SOX5: variants seen among roughly 807,000 people sequenced by gnomAD.
SOX5 encodes the protein SRY-box transcription factor 5.
Under a neutral mutation model 92.0 loss-of-function variants are expected in SOX5, and 9 were observed. The ratio of observed to expected loss-of-function variants is 0.10; its 90% CI spans 0.06 to 0.17. The LOEUF is 0.17. SOX5 is among the 10% of genes least tolerant of loss of function. The probability of loss-of-function intolerance (pLI) is 1.00; values close to 1 mark genes in which losing one functional copy is unlikely to be tolerated. For synonymous variants in SOX5, 344 were observed against 336.3 expected (o/e 1.02, Z -0.25); for missense variants, 642 against 944.5 (o/e 0.68, Z 4.20).
chr12:24,035,216 C>T (rs532529961), intron 4 of SOX5, among the ~76,000 whole-genome samples: 14 of 152,170 alleles, frequency 9.2e-5, no homozygotes, highest in Middle Eastern at 3.4e-3. Context: ...TTATGCCTTA[C>T]GATTTTAATG....
At chr12:23,932,080 C>T (rs977987767) in intron 1 of SOX5, among the ~76,000 whole-genome samples, 1 of 151,202 alleles carries the variant, frequency 6.6e-6, no homozygotes, top group African/African-American at 2.4e-5. Flanking sequence ...TTTCCATGAA[C>T]CTGGTACACC....
chr12:24,122,331 G>A (rs888158541), intron 4 of SOX5, among the ~76,000 whole-genome samples: 9 of 152,302 alleles, frequency 5.9e-5, no homozygotes, highest in Admixed American at 2.6e-4. Flanking sequence ...AAGTGGACCA[G>A]CTGAGAGCAA....
At chr12:24,546,302 G>A (rs1952618279) in intron 1 of SOX5, among the ~76,000 whole-genome samples, 1 of 152,118 alleles carries the variant, frequency 6.6e-6, no homozygotes, top group African/African-American at 2.4e-5. Flanking sequence ...TCAGGAGCTA[G>A]TTTTCCATTT....
At chr12:24,340,851 TTTG>T (rs1016001387) in intron 2 of SOX5, among the ~76,000 whole-genome samples, 5 of 152,300 alleles carry the variant, frequency 3.3e-5, no homozygotes, top group African/African-American at 1.2e-4. Context: ...TGAAGGATTT[TTTG>T]TTGTTGTTGT....
chr12:23,624,949 A>G (rs2077583178), intron 8 of SOX5, among the ~76,000 whole-genome samples: 2 of 152,228 alleles, frequency 1.3e-5, no homozygotes, highest in Admixed American at 6.5e-5. Context: ...CTACCATTTT[A>G]GATTATAAAG....
intron 1 of SOX5, among the ~76,000 whole-genome samples, chr12:24,558,036 C>A (rs951446371): frequency 1.2e-4 from 18 of 152,168 alleles, no homozygotes; most frequent in African/African-American, 3.9e-4. Flanking sequence ...AGTCCTCATG[C>A]ATGTAAATAT....
chr12:23,588,341 T>C (rs957252856), intron 9 of SOX5, among the ~76,000 whole-genome samples: 1 of 152,022 alleles, frequency 6.6e-6, no homozygotes, highest in African/African-American at 2.4e-5. Context: ...AGAATAATGA[T>C]TCTTAAGTGT....
chr12:24,078,039 A>C (rs1272317273), intron 4 of SOX5, among the ~76,000 whole-genome samples: 1 of 151,444 alleles, frequency 6.6e-6, no homozygotes, highest in African/African-American at 2.4e-5. Flanking sequence ...AAAAAGCATA[A>C]CTTTTACCTT....
chr12:24,030,367 C>T lies in SOX5; in HGVS notation c.-1-134343G>A, dbSNP rs550154607. Among the ~76,000 whole-genome samples, 9 of 151,890 alleles carry T rather than the reference C, an allele frequency of 5.9e-5. No homozygotes were observed. The South Asian group carries it at 1.5e-3, about 24-fold the overall frequency. Reference sequence around the variant, plus strand: ...ACAGACACGTAGACCAATGGGGCATCATAGATCCCAGAAATGAATCCAGGC... The same window carrying T: ...ACAGACACGTAGACCAATGGGGCATTATAGATCCCAGAAATGAATCCAGGC... On this transcript the variant is annotated intron_variant, in intron 4 of 4. Transcript: ENST00000446891.
chr12:24,441,745 T>G (rs1460254613), intron 1 of SOX5, among the ~76,000 whole-genome samples: 3 of 152,226 alleles, frequency 2.0e-5, no homozygotes, highest in Non-Finnish European at 4.4e-5. Flanking sequence ...AAGCACTGTA[T>G]CAGCATTTTA....
intron 4 of SOX5, among the ~76,000 whole-genome samples, chr12:24,181,271 G>A (rs1955471619): frequency 6.6e-6 from 1 of 152,160 alleles, no homozygotes; most frequent in Non-Finnish European, 1.5e-5. Flanking sequence ...ATTAGATAAT[G>A]CCTACTTAAC....
chr12:23,956,965 GC>G (rs145940050), intron 4 of SOX5, among the ~76,000 whole-genome samples: 13,658 of 152,116 alleles, frequency 0.09, 1,206 homozygotes, highest in East Asian at 0.28. Context: ...ACCATGCCCG[GC>G]CATTGCCTAA....
intron 1 of SOX5, among the ~76,000 whole-genome samples, chr12:24,391,422 A>C (rs1194080118): frequency 1.3e-5 from 2 of 152,188 alleles, no homozygotes; most frequent in African/African-American, 4.8e-5. Context: ...AAGAAAGGAG[A>C]TCAAACTTTT....
At chr12:24,365,798 A>G (rs1956111945) in intron 2 of SOX5, among the ~76,000 whole-genome samples, 1 of 151,810 alleles carries the variant, frequency 6.6e-6, no homozygotes, top group Non-Finnish European at 1.5e-5. Context: ...ATGTCTTTTT[A>G]TGTTGCCAGT....
chr12:23,785,770 T>G (rs1594408448), intron 3 of SOX5, among the ~76,000 whole-genome samples: 1 of 152,128 alleles, frequency 6.6e-6, no homozygotes, highest in Non-Finnish European at 1.5e-5. Context: ...TAAAATGCAT[T>G]GGGGATGCTT....
intron 8 of SOX5, among the ~76,000 whole-genome samples, chr12:23,618,908 C>G (rs566419516): frequency 6.6e-6 from 1 of 152,282 alleles, no homozygotes; most frequent in East Asian, 1.9e-4. Context: ...CCCCTGAACT[C>G]TGAGTCAAAA....
rs139977440 is a variant in SOX5, at chr12:23,917,287, T to A, written c.39-21263A>T. 7.0e-3 allele frequency among the ~76,000 whole-genome samples: 1,069 copies of A among 152,270 alleles called. 9 individuals carry two copies. The highest frequency in any genetic ancestry group is 0.025 in the African/African-American group (1,025 of 41,538). On this transcript the variant is annotated intron_variant, in intron 1 of 14. Transcript: ENST00000451604. ...CGGGCGCAGTGGCTCATGTCTGTAA[T>A]CCTAGCACTTTGGGAGGCTGAGGCG... is the stretch of plus-strand genomic sequence containing the variant.
At chr12:24,049,308 T>C (rs1957328337) in intron 4 of SOX5, among the ~76,000 whole-genome samples, 1 of 152,102 alleles carries the variant, frequency 6.6e-6, no homozygotes, top group Non-Finnish European at 1.5e-5. Context: ...CAAGGCGTGA[T>C]GAAAAAGTGA....
chr12:24,034,825 C>A (rs1302953513), intron 4 of SOX5, among the ~76,000 whole-genome samples: 1 of 151,974 alleles, frequency 6.6e-6, no homozygotes, highest in Non-Finnish European at 1.5e-5. Flanking sequence ...GAAGGAACTG[C>A]GGAAGCAAAT....
Sources: allele counts gnomAD v4.1 joint callset (sites outside exome capture counted in the v4.1 genomes callset), GRCh38; gene constraint gnomAD v4.1.1; transcripts MANE v1.5; gene names NCBI Gene and HGNC (gene_info 2026-07-23, HGNC 2026-07-21).